SLC9D1: variants seen among roughly 807,000 people sequenced by gnomAD.
SLC9D1 encodes solute carrier family 9 member D1.
the SLC9D1 span, among the ~76,000 whole-genome samples, chr13:113,544,376 G>A: frequency 7.2e-5 from 11 of 152,340 alleles, no homozygotes; most frequent in South Asian, 2.1e-4. Context: ...GAGCAAGGTC[G>A]GGGTCTCGTG....
chr13:113,514,934 G>A, the SLC9D1 span, among the ~76,000 whole-genome samples: 4 of 152,188 alleles, frequency 2.6e-5, no homozygotes, highest in Admixed American at 6.5e-5. Context: ...ACCCAGGCTG[G>A]TTTTGAACCC....
chr13:113,526,775 T>C, the SLC9D1 span, among the ~76,000 whole-genome samples: 1 of 152,232 alleles, frequency 6.6e-6, no homozygotes, highest in African/African-American at 2.4e-5. Flanking sequence ...TTTACAGTAG[T>C]GTCCAAGGCT....
At chr13:113,547,527 CCGG>C in the SLC9D1 span, 5 of 643,840 alleles carry the variant, frequency 7.8e-6, no homozygotes, top group Admixed American at 1.4e-4. Context: ...CCACTGGACC[CCGG>C]GGGAGGCAGA....
chr13:113,514,545 A>G, the SLC9D1 span: 1 of 122,256 alleles, frequency 8.2e-6, no homozygotes, highest in Admixed American at 7.9e-5. Flanking sequence ...ACAGGAAGAC[A>G]TGAGCCTCGC....
chr13:113,520,541 G>A, the SLC9D1 span: 9 of 927,806 alleles, frequency 9.7e-6, no homozygotes, highest in Non-Finnish European at 1.4e-5. Context: ...TTGGAAGTGT[G>A]TACAATGGCA....
the SLC9D1 span, chr13:113,501,982 C>A: frequency 3.2e-6 from 3 of 947,552 alleles, no homozygotes; most frequent in Non-Finnish European, 3.2e-6. Flanking sequence ...CAGATACCAG[C>A]TTCGTATAAA....
the SLC9D1 span, among the ~76,000 whole-genome samples, chr13:113,543,432 C>CCCTCCCCCTGCCCATGACCCCCACCT: frequency 4.6e-3 from 1 of 216 alleles, no homozygotes; most frequent in African/African-American, 0.056. Context: ...CCTCCCCCTG[C>CCCTCCCCCTGCCCATGACCCCCACCT]CCTCCCCCTG....
chr13:113,500,850 G>A, the SLC9D1 span, among the ~76,000 whole-genome samples: 1 of 152,244 alleles, frequency 6.6e-6, no homozygotes, highest in African/African-American at 2.4e-5. Context: ...GCCAGAGAGA[G>A]ATGTGGTCAC....
chr13:113,537,335 G>C, the SLC9D1 span, among the ~76,000 whole-genome samples: 1 of 152,156 alleles, frequency 6.6e-6, no homozygotes, highest in Admixed American at 6.5e-5. Context: ...TCTCCCCCCA[G>C]CTCCTCGAGG....
the SLC9D1 span, among the ~76,000 whole-genome samples, chr13:113,544,160 TCAGCCACAGCCA>T: frequency 8.5e-5 from 13 of 152,314 alleles, no homozygotes; most frequent in East Asian, 3.9e-4. Context: ...CCTCTGCAGG[TCAGCCACAGCCA>T]CAGCCACAGC....
chr13:113,537,451 C>T, the SLC9D1 span, among the ~76,000 whole-genome samples: 29 of 152,344 alleles, frequency 1.9e-4, no homozygotes, highest in African/African-American at 6.5e-4. Context: ...GGCCTGGCCG[C>T]GTCGCCGTGC....
chr13:113,512,266 A>T, the SLC9D1 span, among the ~76,000 whole-genome samples: 3 of 115,800 alleles, frequency 2.6e-5, no homozygotes, highest in East Asian at 2.8e-4. Context: ...AGAGGGTTGG[A>T]GTGTAGATGG....
At chr13:113,523,867 T>C in the SLC9D1 span, among the ~76,000 whole-genome samples, 2 of 152,260 alleles carry the variant, frequency 1.3e-5, no homozygotes, top group Non-Finnish European at 2.9e-5. Flanking sequence ...TTGATACTTC[T>C]TTGACTCATG....
the SLC9D1 span, among the ~76,000 whole-genome samples, chr13:113,516,066 A>G: frequency 1.3e-5 from 2 of 152,070 alleles, no homozygotes; most frequent in Non-Finnish European, 1.5e-5. Flanking sequence ...ATTCTTCCCA[A>G]TTTGGACACC....
At chr13:113,500,236 C>CTGTGCCTTGTTCAGA in the SLC9D1 span, 1 of 790,342 alleles carries the variant, frequency 1.3e-6, no homozygotes, top group Non-Finnish European at 1.8e-6. Context: ...CTGAACAAGG[C>CTGTGCCTTGTTCAGA]ACAGCCTTCC....
At chr13:113,510,833 G>A in the SLC9D1 span, among the ~76,000 whole-genome samples, 7 of 152,244 alleles carry the variant, frequency 4.6e-5, no homozygotes, top group African/African-American at 1.7e-4. Flanking sequence ...AAATCAAGGT[G>A]CTTTGGTAAC....
the SLC9D1 span, among the ~76,000 whole-genome samples, chr13:113,492,235 C>T: frequency 1.3e-5 from 2 of 152,356 alleles, no homozygotes; most frequent in East Asian, 3.9e-4. Context: ...CTCAGCCTCC[C>T]AGAGCGCTGG....
At chr13:113,529,304 C>T in the SLC9D1 span, 4 of 151,974 alleles carry the variant, frequency 2.6e-5, no homozygotes, top group Non-Finnish European at 5.9e-5. Flanking sequence ...AGAATCGGGC[C>T]GGGTGCAGCG....
chr13:113,535,702 T>C, the SLC9D1 span, among the ~76,000 whole-genome samples: 92 of 151,986 alleles, frequency 6.1e-4, no homozygotes, highest in African/African-American at 2.2e-3. The surrounding 1 kb of genome is among the most constrained non-coding windows in gnomAD (Gnocchi z 4.1). Context: ...TGGTTCTTTT[T>C]ATGTCACATT....
Sources: gnomAD v4.1 joint callset for allele counts (sites outside exome capture counted in the v4.1 genomes callset) on GRCh38, gnomAD v4.1.1 for gene constraint, Gnocchi (gnomAD v3.1) non-coding constraint, MANE v1.5 for transcripts, NCBI Gene and HGNC (gene_info 2026-07-23, HGNC 2026-07-21) for gene names.